Variants in SCN11A observed in about 807,000 individuals in gnomAD.
The protein encoded by SCN11A is sodium channel protein type 11 subunit alpha.
SCN11A carries 122 observed loss-of-function variants against 162.2 expected under a neutral mutation model. The ratio of observed to expected loss-of-function variants is 0.75; its 90% CI spans 0.65 to 0.87. The LOEUF (loss-of-function observed/expected upper bound fraction) is 0.87, where lower values mean the gene tolerates loss of function less well. SCN11A is among the 40% of genes least tolerant of loss of function. The pLI, the probability that SCN11A is intolerant of heterozygous loss-of-function variation, is 0.00. For synonymous variants in SCN11A, 758 were observed against 751.5 expected (o/e 1.01, Z -0.14); for missense variants, 2,015 against 2,181.6 (o/e 0.92, Z 1.52).
chr3:38,847,593 A>C lies in SCN11A; in HGVS notation c.4477T>G (p.Ser1493Ala). The C allele has an allele frequency of 6.2e-7, 1 of 1,614,210 alleles. No homozygotes were observed. Among genetic ancestry groups the C allele is most frequent in the Non-Finnish European group, 8.5e-7 (1 of 1,180,030 alleles). The change falls in exon 30 of 30, where the codon TCG becomes GCG. Residue 1493 changes from serine (S) to alanine (A), a missense_variant. Coordinates refer to ENST00000302328, the MANE Select transcript of SCN11A (RefSeq NM_001349253.2). ...CCAATGTTGAACAGAGAAGGAAGCG[A>C]CATCATCAGAGCAAAGAGGAGAGTC... ...IRTLLFALMM[S>A]LPSLFNIGLL...
At chr3:38,916,843 A>T (rs2065968412) in intron 11 of SCN11A, among the ~76,000 whole-genome samples, 1 of 152,202 alleles carries the variant, frequency 6.6e-6, no homozygotes, top group Non-Finnish European at 1.5e-5. Context: ...TGGAGGGTGA[A>T]GACTAGCCTG....
chr3:39,009,503 T>C (rs1048098963), intron 2 of SCN11A, among the ~76,000 whole-genome samples: 1 of 150,904 alleles, frequency 6.6e-6, no homozygotes, highest in Admixed American at 6.6e-5. Flanking sequence ...AGTTTGAGAA[T>C]TGCTGATTCA....
intron 2 of SCN11A, among the ~76,000 whole-genome samples, chr3:39,016,693 C>T (rs922446001): frequency 2.6e-5 from 4 of 152,100 alleles, no homozygotes; most frequent in African/African-American, 9.7e-5. Flanking sequence ...ACCTCCACCT[C>T]CTGGGTTCAA....
chr3:38,909,848 AGGC>A (rs2065860617), intron 12 of SCN11A, among the ~76,000 whole-genome samples: 1 of 152,156 alleles, frequency 6.6e-6, no homozygotes, highest in Admixed American at 6.5e-5. Flanking sequence ...CTAGGATTAC[AGGC>A]GGGAGTCAGC....
chr3:38,943,513 G>A (rs879787084), intron 7 of SCN11A, among the ~76,000 whole-genome samples: 1 of 152,052 alleles, frequency 6.6e-6, no homozygotes, highest in Non-Finnish European at 1.5e-5. Flanking sequence ...AGAAAAACTG[G>A]AACTTTTGAT....
At chr3:38,889,582 G>A (rs181412949) in intron 19 of SCN11A, among the ~76,000 whole-genome samples, 2 of 151,782 alleles carry the variant, frequency 1.3e-5, no homozygotes, top group Admixed American at 6.6e-5. Flanking sequence ...AGCAGATCAC[G>A]AGGTCAGGAG....
chr3:38,938,731 AT>A, intron 7 of SCN11A, among the ~76,000 whole-genome samples: 1 of 150,468 alleles, frequency 6.6e-6, no homozygotes, highest in African/African-American at 2.4e-5. Flanking sequence ...TGCCCGGCTA[AT>A]TTTGTATTCT....
chr3:38,925,882 G>C (rs2066132593), intron 8 of SCN11A, among the ~76,000 whole-genome samples: 1 of 152,220 alleles, frequency 6.6e-6, no homozygotes, highest in Non-Finnish European at 1.5e-5. Context: ...GGTCAAGCCT[G>C]AATGTGTAGC....
rs557893108 is a variant in SCN11A at position 39,004,705 on chromosome 3, G to A, written c.-280+27675C>T. ...TTTGTGTCTTCTCTGATTTCTTTGT[G>A]CAGTGTTTTGTAATTTTCATTGTAC... On this transcript the variant is annotated intron_variant, in intron 2 of 29. Transcript: ENST00000302328. Among the ~76,000 whole-genome samples, 3 of 151,944 alleles carry A rather than the reference G, an allele frequency of 2.0e-5. No homozygotes were observed. The East Asian group carries it at 5.8e-4, about 29-fold the overall frequency.
intron 28 of SCN11A, among the ~76,000 whole-genome samples, chr3:38,860,876 A>T (rs6599264): frequency 6.6e-6 from 1 of 151,988 alleles, no homozygotes; most frequent in African/African-American, 2.4e-5. Flanking sequence ...CATAGCACTC[A>T]GAAGTCCTAG....
At chr3:38,962,861 A>T (rs955509529) in intron 2 of SCN11A, among the ~76,000 whole-genome samples, 5 of 151,436 alleles carry the variant, frequency 3.3e-5, no homozygotes, top group Admixed American at 3.3e-4. Flanking sequence ...ATAAAAAATA[A>T]AATAATAATA....
At position 38,846,671 on chromosome 3, in the gene SCN11A, G is replaced by A. The variant is rs201609768; in HGVS notation, c.*23C>T. 1.5e-4 allele frequency: 246 copies of A among 1,598,178 alleles called. No homozygotes were observed. The East Asian group carries it at 5.0e-3, about 33-fold the overall frequency. On this transcript the variant is annotated 3_prime_UTR_variant, in exon 30 of 30. Transcript: ENST00000302328. ...GCTGAAGGCAAGGCTGTGAAGCTAT[G>A]AGGTAGGCGTGGAGGTGAGGGCTCA...
Position 38,992,302 on chromosome 3 carries a change from A to T in SCN11A, c.-279-31879T>A, listed in dbSNP as rs1285031670. Among the ~76,000 whole-genome samples the T allele has an allele frequency of 2.0e-5, 3 of 152,362 alleles. No individual in the cohort carries two copies. In the East Asian group the frequency reaches 5.8e-4, roughly 29 times the overall value. On this transcript the variant is annotated intron_variant, in intron 2 of 29. Coordinates refer to ENST00000302328, the MANE Select transcript of SCN11A (RefSeq NM_001349253.2). ...AGAGTAAAGACCTGGATTTCAGTCT[A>T]TCCAGGATTGGCTATGGCCACATCA...
chr3:39,000,499 G>A (rs986881791), intron 2 of SCN11A, among the ~76,000 whole-genome samples: 1 of 152,074 alleles, frequency 6.6e-6, no homozygotes, highest in African/African-American at 2.4e-5. Flanking sequence ...ATACCCTCTA[G>A]AAGGGCGTTC....
chr3:38,895,091 T>C (rs917810584), intron 18 of SCN11A, 127 bp from the exon 19 acceptor site: 4 of 750,232 alleles, frequency 5.3e-6, no homozygotes, highest in African/African-American at 3.5e-5. Flanking sequence ...TCCCACTGTC[T>C]CCTAAGAAAG....
intron 1 of SCN11A, among the ~76,000 whole-genome samples, chr3:39,033,504 A>T (rs946272754): frequency 2.6e-5 from 4 of 152,224 alleles, no homozygotes; most frequent in Admixed American, 1.3e-4. Flanking sequence ...TATTTTACAG[A>T]TTAGTTAAGA....
intron 2 of SCN11A, among the ~76,000 whole-genome samples, chr3:39,015,883 C>G (rs1442219055): frequency 4.6e-5 from 7 of 152,148 alleles, no homozygotes; most frequent in African/African-American, 1.4e-4. Flanking sequence ...ATTACAGACA[C>G]TCACCACCAT....
At chr3:38,904,760 T>G (rs941392580) in intron 15 of SCN11A, among the ~76,000 whole-genome samples, 1 of 152,200 alleles carries the variant, frequency 6.6e-6, no homozygotes, top group Non-Finnish European at 1.5e-5. Flanking sequence ...GCTCCAGCCT[T>G]TCTACATAGG....
chr3:38,917,827 T>G (rs2065983966), intron 11 of SCN11A, among the ~76,000 whole-genome samples: 1 of 152,140 alleles, frequency 6.6e-6, no homozygotes, highest in Non-Finnish European at 1.5e-5. Flanking sequence ...GACCAGTTTG[T>G]GCACCAAAAT....
Sources: allele counts gnomAD v4.1 joint callset (sites outside exome capture counted in the v4.1 genomes callset), GRCh38; gene constraint gnomAD v4.1.1; transcripts MANE v1.5; gene names NCBI Gene and HGNC (gene_info 2026-07-23, HGNC 2026-07-21).